Variants in USP12 observed in about 807,000 individuals in gnomAD.
USP12 encodes the protein ubiquitin specific peptidase 12.
In USP12, 19 loss-of-function variants were observed where a neutral mutation model predicts 45.5. That is an observed-to-expected ratio of 0.42 (90% CI 0.29 to 0.61). The LOEUF (loss-of-function observed/expected upper bound fraction) is 0.61, where lower values mean the gene tolerates loss of function less well. USP12 is among the 20% of genes least tolerant of loss of function. The pLI is 0.22. For synonymous variants in USP12, 149 were observed against 148.8 expected, an observed-to-expected ratio of 1.00 and a Z score of -0.01; for missense variants, 242 against 447.7, an observed-to-expected ratio of 0.54 and a Z score of 4.15.
intron 1 of USP12, among the ~76,000 whole-genome samples, chr13:27,153,667 G>T (rs1257646211): frequency 6.6e-6 from 1 of 152,104 alleles, no homozygotes; most frequent in Admixed American, 6.5e-5. Context: ...TTCTGATACT[G>T]TTCTGCTGGA....
intron 4 of USP12, among the ~76,000 whole-genome samples, chr13:27,094,739 TTC>T (rs1234822894): frequency 1.3e-5 from 2 of 149,212 alleles, no homozygotes; most frequent in Non-Finnish European, 3.0e-5. Flanking sequence ...GGGAGGCATA[TTC>T]TCAAAAAAAA....
At chr13:27,107,853 G>T (rs1330386647) in intron 2 of USP12, among the ~76,000 whole-genome samples, 12 of 152,144 alleles carry the variant, frequency 7.9e-5, no homozygotes, top group Admixed American at 1.3e-4. Context: ...ACACCAGTTG[G>T]AATGGCAATC....
chr13:27,147,561 G>A (rs892400653), intron 1 of USP12, among the ~76,000 whole-genome samples: 7 of 152,058 alleles, frequency 4.6e-5, no homozygotes, highest in African/African-American at 1.7e-4. Context: ...AAAACAAAGT[G>A]TATGTCATAA....
In USP12 at chr13:27,119,662, C is replaced by T. The variant is rs558450170; in HGVS notation, c.49-3066G>A. Among the ~76,000 whole-genome samples the T allele has an allele frequency of 5.3e-5, 8 of 152,332 alleles. No homozygotes were observed. In the South Asian group the frequency reaches 1.7e-3, roughly 32 times the overall value. On this transcript the variant is annotated intron_variant, in intron 1 of 8. Coordinates refer to ENST00000282344, the MANE Select transcript of USP12 (RefSeq NM_182488.4). The stretch of plus-strand genomic sequence containing the variant: ...TCGTTTCCGATCACTTTCATGAATG[C>T]TTCTGAAGACATTACTGTTTTAACA...
At chr13:27,135,865 T>A (rs947810223) in intron 1 of USP12, among the ~76,000 whole-genome samples, 8 of 152,124 alleles carry the variant, frequency 5.3e-5, no homozygotes, top group Non-Finnish European at 1.2e-4. Context: ...AAAACATGCT[T>A]TTCTTTACTT....
At chr13:27,098,169 T>A (rs765348236) in intron 3 of USP12, among the ~76,000 whole-genome samples, 1 of 152,150 alleles carries the variant, frequency 6.6e-6, no homozygotes, top group Non-Finnish European at 1.5e-5. Flanking sequence ...AAGTTTCAGA[T>A]TTCTGGATTA....
chr13:27,072,376 C>G (rs1258242842), intron 7 of USP12, among the ~76,000 whole-genome samples: 1 of 151,990 alleles, frequency 6.6e-6, no homozygotes, highest in Non-Finnish European at 1.5e-5. Context: ...TGGCAAAGAA[C>G]TAGTTTGAGG....
chr13:27,080,329 C>T (rs1327268478), intron 6 of USP12, among the ~76,000 whole-genome samples: 2 of 152,172 alleles, frequency 1.3e-5, no homozygotes, highest in Non-Finnish European at 2.9e-5. Context: ...GTTACCATTA[C>T]TGGAACTGGC....
intron 1 of USP12, among the ~76,000 whole-genome samples, chr13:27,124,772 G>A (rs562500235): frequency 1.2e-4 from 18 of 152,300 alleles, no homozygotes; most frequent in Non-Finnish European, 2.5e-4. Flanking sequence ...AAGTATAAAG[G>A]TGAAACAAGT....
At chr13:27,159,198 TTTTC>T (rs1421935760) in intron 1 of USP12, among the ~76,000 whole-genome samples, 1 of 152,186 alleles carries the variant, frequency 6.6e-6, no homozygotes, top group Non-Finnish European at 1.5e-5. Flanking sequence ...GATATCACAT[TTTTC>T]TTTAAGAGTA....
At chr13:27,130,710 C>A (rs1028179018) in intron 1 of USP12, among the ~76,000 whole-genome samples, 1 of 152,192 alleles carries the variant, frequency 6.6e-6, no homozygotes, top group Non-Finnish European at 1.5e-5. Flanking sequence ...GGTCCCAAAA[C>A]AAGAGCTGAG....
chr13:27,069,115 A>C lies in USP12; in HGVS notation c.*168T>G. The C allele has an allele frequency of 4.7e-6, 3 of 643,146 alleles. No individual in the cohort carries two copies. The highest frequency in any genetic ancestry group is 8.3e-6 in the Non-Finnish European group (3 of 363,436). 39.8% of individuals were successfully genotyped at this position (643,146 alleles called of 1,614,324 possible). On this transcript the variant is annotated 3_prime_UTR_variant, in exon 9 of 9. Transcript: ENST00000282344. The stretch of plus-strand genomic sequence containing the variant: ...CTGAGCAAATAAATCAACTACCATG[A>C]TCGGAAGGGCTTGTCAATCCATCGT...
intron 4 of USP12, 119 bp from the exon 5 acceptor site, chr13:27,090,277 G>A (rs1874251284): frequency 2.7e-6 from 2 of 750,622 alleles, no homozygotes; most frequent in Non-Finnish European, 4.2e-6. Flanking sequence ...TTTCCCTCAA[G>A]TTCAAAAGAG....
At chr13:27,127,076 G>C (rs1017816127) in intron 1 of USP12, among the ~76,000 whole-genome samples, 3 of 152,156 alleles carry the variant, frequency 2.0e-5, no homozygotes, top group Admixed American at 6.5e-5. Flanking sequence ...AAGAGTCTTG[G>C]TCTATACTTC....
At chr13:27,106,483 T>C (rs980578687) in intron 2 of USP12, among the ~76,000 whole-genome samples, 50 of 152,264 alleles carry the variant, frequency 3.3e-4, no homozygotes, top group Non-Finnish European at 6.5e-4. Flanking sequence ...GCCTTCCTTT[T>C]CCCTTCCATT....
chr13:27,075,155 G>A, intron 7 of USP12, 36 bp downstream of exon 7: 1 of 1,606,776 alleles, frequency 6.2e-7, no homozygotes, highest in Non-Finnish European at 8.5e-7. Flanking sequence ...TTCTAACCTA[G>A]GAATTCCACT....
At chr13:27,086,052 C>G (rs1873996421) in intron 6 of USP12, among the ~76,000 whole-genome samples, 1 of 151,006 alleles carries the variant, frequency 6.6e-6, no homozygotes, top group Admixed American at 6.6e-5. Context: ...CATCTGTAGT[C>G]CCAGCTACAC....
rs1183549034 is a variant in USP12 at position 27,104,467 on chromosome 13, C to CTTAACTTAA, written c.343+1263_343+1264insTTAAGTTAA. Among the ~76,000 whole-genome samples, 6 of 152,282 alleles carry CTTAACTTAA rather than the reference C, an allele frequency of 3.9e-5. No homozygotes were observed. The South Asian group carries it at 1.2e-3, about 32-fold the overall frequency. On this transcript the variant is annotated intron_variant, in intron 3 of 8. Transcript: ENST00000282344. ...ACACAAAAAGACTGAGAAGACTTAA[C>CTTAACTTAA]TGCTCAATCCACATTTGAGCATTAA...
In USP12 at chr13:27,132,848, C is replaced by A. The variant is rs566131559; in HGVS notation, c.49-16252G>T. Among the ~76,000 whole-genome samples the A allele has an allele frequency of 2.6e-5, 4 of 152,350 alleles. No individual in the cohort carries two copies. The South Asian group carries it at 8.3e-4, about 32-fold the overall frequency. ...CACCCACTTTCTGGCAAGACCATGA[C>A]TCTAGCCTTATCCTAAAGGTGAAAG... On this transcript the variant is annotated intron_variant, in intron 1 of 8. Transcript: ENST00000282344.
Sources: gnomAD v4.1 joint callset for allele counts (sites outside exome capture counted in the v4.1 genomes callset) on GRCh38, gnomAD v4.1.1 for gene constraint, MANE v1.5 for transcripts, NCBI Gene and HGNC (gene_info 2026-07-23, HGNC 2026-07-21) for gene names.